CCDC90B: variants seen among roughly 807,000 people sequenced by gnomAD.
CCDC90B encodes coiled-coil domain-containing protein 90B, mitochondrial.
Under a neutral mutation model 37.0 loss-of-function variants are expected in CCDC90B, and 24 were observed. That is an observed-to-expected ratio of 0.65 (90% CI 0.47 to 0.91). The LOEUF (loss-of-function observed/expected upper bound fraction) is 0.91. Ranked by LOEUF, CCDC90B falls within the 40% of genes least tolerant of loss-of-function variation. The probability of loss-of-function intolerance (pLI) is 0.00; values close to 1 mark genes in which losing one functional copy is unlikely to be tolerated. For missense variants in CCDC90B, 319 were observed against 299.0 expected (o/e 1.07, Z -0.49); for synonymous variants, 113 against 101.1 (o/e 1.12, Z -0.71).
At chr11:83,274,345 C>G (rs917468731) in intron 4 of CCDC90B, 3 of 270,878 alleles carry the variant, frequency 1.1e-5, no homozygotes, top group Non-Finnish European at 2.0e-5. Flanking sequence ...TGCCGTATTA[C>G]TCTCAGCTCT....
chr11:83,268,190 C>T (rs1270574274), intron 7 of CCDC90B, among the ~76,000 whole-genome samples: 1 of 152,134 alleles, frequency 6.6e-6, no homozygotes, highest in East Asian at 1.9e-4. Context: ...GAAGAAACTG[C>T]ATCAATTAAT....
chr11:83,275,028 A>G (rs984854600), intron 3 of CCDC90B, among the ~76,000 whole-genome samples: 3 of 152,120 alleles, frequency 2.0e-5, no homozygotes, highest in African/African-American at 4.8e-5. Context: ...CAAAAAAAAT[A>G]ATGTTTTGTT....
chr11:83,280,019 TC>T, intron 2 of CCDC90B, 121 bp downstream of exon 2: 3 of 908,744 alleles, frequency 3.3e-6, no homozygotes, highest in Non-Finnish European at 4.8e-6. Context: ...ATAAAATATT[TC>T]ATTGTATGGA....
At chr11:83,262,927 G>A (rs1449938760) in intron 8 of CCDC90B, among the ~76,000 whole-genome samples, 1 of 152,136 alleles carries the variant, frequency 6.6e-6, no homozygotes, top group Non-Finnish European at 1.5e-5. Flanking sequence ...TGTGTGTCAA[G>A]TACTATGCTA....
At chr11:83,271,063 C>A (rs1591042049) in intron 7 of CCDC90B, among the ~76,000 whole-genome samples, 1 of 152,192 alleles carries the variant, frequency 6.6e-6, no homozygotes, top group Non-Finnish European at 1.5e-5. Context: ...GGAAAACTGG[C>A]TAGCCATATG....
At chr11:83,273,463 T>A (rs1467852994) in intron 7 of CCDC90B, 184 bp downstream of exon 7, 5 of 434,754 alleles carry the variant, frequency 1.2e-5, no homozygotes, top group Non-Finnish European at 2.1e-5. Context: ...TCATGGCTCA[T>A]GGGCGACCAT....
intron 3 of CCDC90B, among the ~76,000 whole-genome samples, chr11:83,277,514 T>TCTCTGTCACCCAGGCTGGAGC (rs1157743486): frequency 5.3e-5 from 8 of 151,964 alleles, no homozygotes; most frequent in Non-Finnish European, 8.8e-5. Flanking sequence ...TGAGATGGAG[T>TCTCTGTCACCCAGGCTGGAGC]CTCTGTCACC....
Position 83,265,898 on chromosome 11 carries a change from A to G in CCDC90B, c.676T>C (p.Ser226Pro). The change falls in exon 8 of 9, where the codon TCT (serine) becomes CCT (proline). Residue 226 changes from serine (S) to proline (P), a missense_variant. Ser to Pro is a moderately conservative substitution (Grantham distance 74). Transcript: ENST00000529689. ...TAACGAATTGTCTCAAGTTTGTTAGATTCCATCAGTGTTTTTAAGGAAGCA... is the reference window on the plus strand; with the variant it reads ...TAACGAATTGTCTCAAGTTTGTTAGGTTCCATCAGTGTTTTTAAGGAAGCA... The part of the protein sequence containing the change: ...EIASLKTLME[S>P]NKLETIRYLA... The G allele has an allele frequency of 6.2e-7, 1 of 1,609,788 alleles. No homozygotes were observed. Among genetic ancestry groups the G allele is most frequent in the South Asian group, 1.1e-5 (1 of 90,740 alleles).
chr11:83,267,847 G>C (rs545972037), intron 7 of CCDC90B, among the ~76,000 whole-genome samples: 79 of 152,228 alleles, frequency 5.2e-4, no homozygotes, highest in Non-Finnish European at 1.1e-3. Flanking sequence ...AAGTGTTAAG[G>C]GCAGCCAGAA....
At chr11:83,270,810 G>C (rs585196) in intron 7 of CCDC90B, among the ~76,000 whole-genome samples, 2 of 152,034 alleles carry the variant, frequency 1.3e-5, no homozygotes, top group Non-Finnish European at 2.9e-5. Flanking sequence ...GAGCCCGCAT[G>C]GCGAAGACAA....
At chr11:83,266,129 T>A (rs1187409311) in intron 7 of CCDC90B, 150 bp from the exon 8 acceptor site, 4 of 539,370 alleles carry the variant, frequency 7.4e-6, no homozygotes, top group African/African-American at 1.9e-5. Flanking sequence ...GTAAAAAAAT[T>A]TGAAGTGTTC....
Position 83,280,341 on chromosome 11 carries a change from T to C in CCDC90B, c.101-81A>G, listed in dbSNP as rs904808270. ...TTTAGCTTACAAAGCATTTTCCCCA[T>C]CCATTTATAATATAGTTCCAGCTCT... On this transcript the variant is annotated intron_variant, in intron 1 of 8. Transcript: ENST00000529689. 8 of 1,279,082 alleles carry C rather than the reference T, an allele frequency of 6.3e-6. No individual in the cohort carries two copies. In the African/African-American group the frequency reaches 7.4e-5, roughly 12 times the overall value. 79.2% of individuals were successfully genotyped at this position (1,279,082 alleles called of 1,614,324 possible).
intron 8 of CCDC90B, among the ~76,000 whole-genome samples, chr11:83,263,998 A>G (rs1864089623): frequency 6.6e-6 from 1 of 152,214 alleles, no homozygotes; most frequent in Non-Finnish European, 1.5e-5. Flanking sequence ...ATTTGTTAAT[A>G]TCAAAAATCT....
rs1183508354 is a variant in CCDC90B, at chr11:83,273,938, A to C, written c.468+13T>G. On this transcript the variant is annotated intron_variant, in intron 5 of 8. Transcript: ENST00000529689. Reference sequence around the variant, plus strand: ...TGTTCTGAAATTAACAGCTAGAAAAAAAATTCACTTACCATTAGTTGTTGC... The same window carrying C: ...TGTTCTGAAATTAACAGCTAGAAAACAAATTCACTTACCATTAGTTGTTGC... 1 of 1,593,012 alleles carries C rather than the reference A, an allele frequency of 6.3e-7. No homozygotes were observed. The highest frequency in any genetic ancestry group is 8.5e-7 in the Non-Finnish European group (1 of 1,171,842).
At chr11:83,262,493 A>G (rs1460522353) in intron 8 of CCDC90B, among the ~76,000 whole-genome samples, 1 of 152,190 alleles carries the variant, frequency 6.6e-6, no homozygotes, top group Non-Finnish European at 1.5e-5. Context: ...AATAGTTAAT[A>G]TACTACCTGT....
chr11:83,280,635 C>T (rs1359978702), intron 1 of CCDC90B, among the ~76,000 whole-genome samples: 1 of 152,212 alleles, frequency 6.6e-6, no homozygotes, highest in Non-Finnish European at 1.5e-5. Flanking sequence ...TTTCAAAGAG[C>T]TATGAAAATT....
At chr11:83,269,967 C>T (rs1452642362) in intron 7 of CCDC90B, among the ~76,000 whole-genome samples, 5 of 152,138 alleles carry the variant, frequency 3.3e-5, no homozygotes, top group African/African-American at 4.8e-5. Context: ...ACGATCAAGT[C>T]GGCTTCATCC....
intron 1 of CCDC90B, chr11:83,285,577 A>G (rs976370006): frequency 2.4e-6 from 3 of 1,266,082 alleles, no homozygotes; most frequent in Non-Finnish European, 3.0e-6. Context: ...TGACGAGATT[A>G]CTAGCCTCTT....
At chr11:83,269,027 C>T (rs879732824) in intron 7 of CCDC90B, among the ~76,000 whole-genome samples, 2 of 151,968 alleles carry the variant, frequency 1.3e-5, no homozygotes, top group African/African-American at 2.4e-5. Flanking sequence ...GGGTACATAA[C>T]GAAATGAAGG....
Sources: allele counts gnomAD v4.1 joint callset (sites outside exome capture counted in the v4.1 genomes callset), GRCh38; gene constraint gnomAD v4.1.1; transcripts MANE v1.5; gene names NCBI Gene and HGNC (gene_info 2026-07-23, HGNC 2026-07-21).